The following PALM2AKAP2 variants were observed in gnomAD, a reference collection of about 807,000 sequenced individuals.
PALM2AKAP2 encodes PALM2-AKAP2 fusion protein.
In PALM2AKAP2, 37 loss-of-function variants were observed where a neutral mutation model predicts 71.5. The observed-to-expected ratio is 0.52, with a 90% CI of 0.40 to 0.68. The LOEUF (loss-of-function observed/expected upper bound fraction) is 0.68. Among genes scored for constraint, PALM2AKAP2 ranks in the 30% least tolerant of loss-of-function variants. The pLI is 0.00. For missense variants in PALM2AKAP2, 1,224 were observed against 1,191.8 expected (o/e 1.03, Z -0.40); for synonymous variants, 468 against 478.8 (o/e 0.98, Z 0.29).
At chr9:109,936,712 A>C (rs1588020351) in intron 6 of PALM2AKAP2, among the ~76,000 whole-genome samples, 1 of 152,310 alleles carries the variant, frequency 6.6e-6, no homozygotes, top group Admixed American at 6.5e-5. Flanking sequence ...CAGCACCATA[A>C]AATATCAAAT....
intron 1 of PALM2AKAP2, among the ~76,000 whole-genome samples, chr9:110,101,287 T>C (rs183291625): frequency 3.3e-5 from 5 of 152,134 alleles, no homozygotes; most frequent in Admixed American, 3.3e-4. Flanking sequence ...CTGTGTGTGT[T>C]TGGGGTCCTG....
upstream of PALM2AKAP2, among the ~76,000 whole-genome samples, chr9:109,777,554 C>G (rs1253199615): frequency 6.6e-6 from 1 of 152,222 alleles, no homozygotes; most frequent in African/African-American, 2.4e-5. Context: ...CTTCTCTGAT[C>G]TCTCGCTCAT....
chr9:109,983,429 A>C, intron 6 of PALM2AKAP2, among the ~76,000 whole-genome samples: 3 of 147,228 alleles, frequency 2.0e-5, no homozygotes, highest in South Asian at 2.2e-4. Flanking sequence ...TTTCCTTCTC[A>C]CCCCACTCCT....
chr9:109,737,308 A>G (rs1828651863), intron 1 of PALM2AKAP2, among the ~76,000 whole-genome samples: 1 of 152,232 alleles, frequency 6.6e-6, no homozygotes, highest in Non-Finnish European at 1.5e-5. Flanking sequence ...ACGATGGGAA[A>G]GACATGACCC....
Position 109,993,637 on chromosome 9 carries a change from A to T in PALM2AKAP2, c.497-22317A>T, listed in dbSNP as rs1832523183. 2.0e-5 allele frequency among the ~76,000 whole-genome samples: 3 copies of T among 152,146 alleles called. No individual in the cohort carries two copies. The South Asian group carries it at 6.2e-4, about 32-fold the overall frequency. On this transcript the variant is annotated intron_variant, in intron 6 of 9. Transcript: ENST00000302798. Reference sequence around the variant, plus strand: ...GGGGAGTCCGTGTTGGGAGGGCCAAAGGCCAAAACCATCACTGTCTACTCT... The same window carrying T: ...GGGGAGTCCGTGTTGGGAGGGCCAATGGCCAAAACCATCACTGTCTACTCT...
At chr9:109,855,741 A>T (rs1829145447) in intron 1 of PALM2AKAP2, among the ~76,000 whole-genome samples, 2 of 152,200 alleles carry the variant, frequency 1.3e-5, no homozygotes, top group Admixed American at 1.3e-4. Flanking sequence ...AAAGGATTAA[A>T]TCCTCTTTCC....
At chr9:109,698,221 G>C (rs905807171) in intron 1 of PALM2AKAP2, among the ~76,000 whole-genome samples, 1 of 151,726 alleles carries the variant, frequency 6.6e-6, no homozygotes, top group Non-Finnish European at 1.5e-5. Context: ...CATGAGACCA[G>C]GGTATATAAC....
At chr9:110,125,691 G>A in intron 1 of PALM2AKAP2, 4 of 754,222 alleles carry the variant, frequency 5.3e-6, no homozygotes, top group Non-Finnish European at 6.5e-6. Flanking sequence ...TATGGAGGAG[G>A]TTTTCTGAGT....
chr9:109,916,712 A>G (rs868236193), intron 3 of PALM2AKAP2, among the ~76,000 whole-genome samples: 1 of 152,212 alleles, frequency 6.6e-6, no homozygotes, highest in African/African-American at 2.4e-5. Context: ...GCATTCAGCT[A>G]TGATCACAAC....
chr9:109,822,283 C>T (rs1391748431), intron 1 of PALM2AKAP2, among the ~76,000 whole-genome samples: 2 of 151,500 alleles, frequency 1.3e-5, no homozygotes, highest in Non-Finnish European at 2.9e-5. Context: ...ATCCATCCAT[C>T]CATCCATCCA....
At chr9:109,913,857 T>C (rs1032357288) in intron 3 of PALM2AKAP2, among the ~76,000 whole-genome samples, 3 of 150,540 alleles carry the variant, frequency 2.0e-5, no homozygotes, top group African/African-American at 4.9e-5. Context: ...CCTGGGTTCA[T>C]GCCATTCTCC....
chr9:109,979,759 A>G (rs1832236210), intron 6 of PALM2AKAP2, among the ~76,000 whole-genome samples: 1 of 152,088 alleles, frequency 6.6e-6, no homozygotes, highest in Non-Finnish European at 1.5e-5. Flanking sequence ...TTCTGATGTT[A>G]TTGTTGGATT....
intron 1 of PALM2AKAP2, among the ~76,000 whole-genome samples, chr9:109,733,860 G>T (rs533073212): frequency 5.3e-5 from 8 of 152,314 alleles, no homozygotes; most frequent in Admixed American, 5.2e-4. Flanking sequence ...GAAATAGAAA[G>T]TTGCTGCTGT....
At chr9:109,698,548 G>A (rs974320389) in intron 1 of PALM2AKAP2, among the ~76,000 whole-genome samples, 4 of 152,102 alleles carry the variant, frequency 2.6e-5, no homozygotes, top group African/African-American at 9.7e-5. Context: ...CAAAGTATTG[G>A]GATTATAGGC....
chr9:110,122,045 C>T (rs1486297548), intron 1 of PALM2AKAP2, among the ~76,000 whole-genome samples: 2 of 152,192 alleles, frequency 1.3e-5, no homozygotes, highest in Non-Finnish European at 2.9e-5. Flanking sequence ...CTTTCAAAGT[C>T]GTCTCTTGCT....
chr9:109,901,223 C>A (rs1262051284), intron 3 of PALM2AKAP2, among the ~76,000 whole-genome samples: 1 of 152,158 alleles, frequency 6.6e-6, no homozygotes. Context: ...AGTTGGACTG[C>A]TAAATGGGCA....
intron 1 of PALM2AKAP2, among the ~76,000 whole-genome samples, chr9:109,664,280 G>A (rs1370097217): frequency 1.3e-5 from 2 of 152,156 alleles, no homozygotes; most frequent in African/African-American, 2.4e-5. Context: ...TTTCTTCATA[G>A]CATTGATGGT....
intron 2 of PALM2AKAP2, among the ~76,000 whole-genome samples, chr9:110,150,755 TCA>T (rs1378453930): frequency 2.6e-5 from 4 of 152,220 alleles, no homozygotes; most frequent in African/African-American, 9.6e-5. Flanking sequence ...TTGCTTTCTT[TCA>T]CACAGTTAAG....
chr9:109,901,516 G>T (rs1180305545), intron 3 of PALM2AKAP2, among the ~76,000 whole-genome samples: 1 of 152,122 alleles, frequency 6.6e-6, no homozygotes, highest in Non-Finnish European at 1.5e-5. Context: ...TTTGAAGATG[G>T]GATAATCTCA....
Sources: allele counts gnomAD v4.1 joint callset (sites outside exome capture counted in the v4.1 genomes callset), GRCh38; gene constraint gnomAD v4.1.1; transcripts MANE v1.5; gene names NCBI Gene and HGNC (gene_info 2026-07-23, HGNC 2026-07-21).